Variants in SPATS2L observed in about 807,000 individuals in gnomAD.
SPATS2L encodes the protein spermatogenesis associated serine rich 2 like, also known as SPATS2-like protein.
Under a neutral mutation model 59.6 loss-of-function variants are expected in SPATS2L, and 30 were observed. The ratio of observed to expected loss-of-function variants is 0.50; its 90% CI spans 0.38 to 0.68. SPATS2L has a LOEUF of 0.68. Among genes scored for constraint, SPATS2L ranks in the 30% least tolerant of loss-of-function variants. SPATS2L has a pLI of 0.00. For synonymous variants in SPATS2L, 252 were observed against 263.5 expected, an observed-to-expected ratio of 0.96 and a Z score of 0.42; for missense variants, 615 against 700.0, an observed-to-expected ratio of 0.88 and a Z score of 1.37.
intron 1 of SPATS2L, among the ~76,000 whole-genome samples, chr2:200,328,404 GAA>G (rs2079825216): frequency 6.6e-6 from 1 of 152,176 alleles, no homozygotes; most frequent in South Asian, 2.1e-4. Context: ...CTGGTAGGGA[GAA>G]AAAGTTAGTC....
At chr2:200,333,608 C>T (rs1034515296) in intron 2 of SPATS2L, among the ~76,000 whole-genome samples, 1 of 151,820 alleles carries the variant, frequency 6.6e-6, no homozygotes, top group African/African-American at 2.4e-5. Flanking sequence ...CCCATTAACT[C>T]GTCATTTAAC....
chr2:200,445,203 C>T (rs1475750282), intron 8 of SPATS2L, among the ~76,000 whole-genome samples: 1 of 151,864 alleles, frequency 6.6e-6, no homozygotes, highest in African/African-American at 2.4e-5. Context: ...TCCAGCTACT[C>T]GGGAGGCTGA....
In SPATS2L at chr2:200,357,215, G is replaced by A. The variant is rs76432272; in HGVS notation, c.-23+27735G>A. 4.2e-3 allele frequency among the ~76,000 whole-genome samples: 641 copies of A among 152,068 alleles called. 8 individuals carry two copies. The highest frequency in any genetic ancestry group is 0.015 in the African/African-American group (618 of 41,514). On this transcript the variant is annotated intron_variant, in intron 2 of 12. Transcript: ENST00000409140. Reference sequence around the variant, plus strand: ...CTCTGTTTGGGGCCAGATTTTTTTGGACATGTGTTTTCCCTTCTAAACTGC... The same window carrying A: ...CTCTGTTTGGGGCCAGATTTTTTTGAACATGTGTTTTCCCTTCTAAACTGC...
chr2:200,340,163 G>A (rs2080274593), intron 2 of SPATS2L, among the ~76,000 whole-genome samples: 1 of 152,184 alleles, frequency 6.6e-6, no homozygotes, highest in Non-Finnish European at 1.5e-5. Context: ...CTGAGCAATC[G>A]CTCATCCTTG....
intron 2 of SPATS2L, among the ~76,000 whole-genome samples, chr2:200,341,738 G>GGAGT (rs200650776): frequency 0.017 from 2,472 of 149,674 alleles, 65 homozygotes; most frequent in African/African-American, 0.058. Context: ...CGCCCAGGCT[G>GGAGT]GAGTGCAGTG....
intron 6 of SPATS2L, among the ~76,000 whole-genome samples, chr2:200,429,546 G>C (rs1401525877): frequency 6.6e-6 from 1 of 151,156 alleles, no homozygotes; most frequent in African/African-American, 2.4e-5. Flanking sequence ...GGTGTAGATG[G>C]ATTGGAGCTG....
At chr2:200,325,499 C>T (rs765767343) in intron 1 of SPATS2L, among the ~76,000 whole-genome samples, 138 of 152,252 alleles carry the variant, frequency 9.1e-4, no homozygotes, top group Non-Finnish European at 3.5e-4. Context: ...CTGCCTCAGC[C>T]TCCCGAGTAG....
chr2:200,450,063 TTAGA>T (rs981676322), intron 8 of SPATS2L, among the ~76,000 whole-genome samples: 2 of 152,312 alleles, frequency 1.3e-5, no homozygotes, highest in South Asian at 4.1e-4. Flanking sequence ...GGATGTGGAG[TTAGA>T]TAGATTAAGG....
At chr2:200,316,535 T>C (rs1030239977) in intron 1 of SPATS2L, among the ~76,000 whole-genome samples, 1 of 152,232 alleles carries the variant, frequency 6.6e-6, no homozygotes, top group Non-Finnish European at 1.5e-5. Flanking sequence ...ATCTGAGGCT[T>C]AGCGACTTCG....
intron 1 of SPATS2L, among the ~76,000 whole-genome samples, chr2:200,307,686 G>T (rs979486302): frequency 6.6e-6 from 1 of 152,228 alleles, no homozygotes; most frequent in African/African-American, 2.4e-5. Flanking sequence ...CCGCACACGC[G>T]GGGCTGAAGG....
At chr2:200,405,694 A>G (rs2082667066) in intron 3 of SPATS2L, among the ~76,000 whole-genome samples, 1 of 152,174 alleles carries the variant, frequency 6.6e-6, no homozygotes, top group Admixed American at 6.5e-5. Context: ...CATTTGAGAA[A>G]TGTGACCAAA....
In SPATS2L at chr2:200,320,088, T is replaced by C. The variant is rs148206403; in HGVS notation, c.-72-9343T>C. On this transcript the variant is annotated intron_variant, in intron 1 of 12. Transcript: ENST00000409140. The stretch of plus-strand genomic sequence containing the variant: ...ACATTCTGCAAGAGAATTATTAACA[T>C]CAGTATGTGAATTTTTTTTTTAAAC... 2.0e-5 allele frequency among the ~76,000 whole-genome samples: 3 copies of C among 152,260 alleles called. No homozygotes were observed. In the East Asian group the frequency reaches 5.8e-4, roughly 29 times the overall value.
intron 3 of SPATS2L, chr2:200,389,510 CA>C (rs1397273762): frequency 4.6e-6 from 2 of 433,870 alleles, no homozygotes; most frequent in African/African-American, 4.0e-5. Flanking sequence ...ACCATAACCC[CA>C]TAAAGAAGAT....
intron 8 of SPATS2L, among the ~76,000 whole-genome samples, chr2:200,451,791 A>T (rs1297685276): frequency 6.6e-6 from 1 of 150,750 alleles, no homozygotes; most frequent in Non-Finnish European, 1.5e-5. Flanking sequence ...GATGGCATCT[A>T]CATAAATGCC....
chr2:200,369,812 G>A (rs1171686642), intron 2 of SPATS2L, among the ~76,000 whole-genome samples: 1 of 151,982 alleles, frequency 6.6e-6, no homozygotes, highest in East Asian at 1.9e-4. Flanking sequence ...TCAAGACTGC[G>A]ATATTATTTT....
intron 4 of SPATS2L, among the ~76,000 whole-genome samples, chr2:200,414,770 T>G (rs994689483): frequency 2.6e-5 from 4 of 152,212 alleles, no homozygotes; most frequent in African/African-American, 9.6e-5. Flanking sequence ...TAATTAAAAT[T>G]TAATAATAAC....
chr2:200,479,801 G>A lies in SPATS2L; in HGVS notation c.*1770G>A, dbSNP rs1032657801. The A allele has an allele frequency of 1.3e-5, 5 of 398,500 alleles. No homozygotes were observed. Among genetic ancestry groups the A allele is most frequent in the African/African-American group, 8.2e-5 (4 of 48,626 alleles). The allele number at this position is 398,500 out of a possible 1,614,324, so 24.7% of individuals were successfully genotyped here. A position where few individuals can be genotyped will look rare whatever the true frequency, so the allele number is the denominator to read the frequency against. ...GCAGCTGAGCCTGCAAGCCACGCAAGCATCTGTTTCTTCTTTTGCCAAGTA... is the reference window on the plus strand; with the variant it reads ...GCAGCTGAGCCTGCAAGCCACGCAAACATCTGTTTCTTCTTTTGCCAAGTA... On this transcript the variant is annotated 3_prime_UTR_variant, in exon 13 of 13. Coordinates refer to ENST00000409140, the MANE Select transcript of SPATS2L (RefSeq NM_001100423.2).
At chr2:200,355,144 G>A (rs556750017) in intron 2 of SPATS2L, among the ~76,000 whole-genome samples, 1 of 152,210 alleles carries the variant, frequency 6.6e-6, no homozygotes, top group East Asian at 1.9e-4. Flanking sequence ...TCACCCGCCT[G>A]CTGTCTGTCC....
chr2:200,469,697 A>C, intron 10 of SPATS2L: 1 of 501,512 alleles, frequency 2.0e-6, no homozygotes, highest in Non-Finnish European at 3.5e-6. Context: ...CAAGAGAAAC[A>C]CAGGCCCCTC....
Sources: gnomAD v4.1 joint callset for allele counts (sites outside exome capture counted in the v4.1 genomes callset) on GRCh38, gnomAD v4.1.1 for gene constraint, MANE v1.5 for transcripts, NCBI Gene and HGNC (gene_info 2026-07-23, HGNC 2026-07-21) for gene names.